PLD5: variants seen among roughly 807,000 people sequenced by gnomAD.
PLD5 encodes the protein inactive phospholipase D5.
In PLD5, 36 loss-of-function variants were observed where a neutral mutation model predicts 61.1. The ratio of observed to expected loss-of-function variants is 0.59; its 90% CI spans 0.45 to 0.78. PLD5 has a LOEUF of 0.78. Ranked by LOEUF, PLD5 falls within the 30% of genes least tolerant of loss-of-function variation. The probability of loss-of-function intolerance (pLI) is 0.00; values close to 1 mark genes in which losing one functional copy is unlikely to be tolerated. For missense variants in PLD5, 515 were observed against 644.4 expected (o/e 0.80, Z 2.17); for synonymous variants, 243 against 242.8 (o/e 1.00, Z -0.01).
chr1:242,356,643 C>G (rs888262949), intron 1 of PLD5, among the ~76,000 whole-genome samples: 10 of 151,452 alleles, frequency 6.6e-5, no homozygotes, highest in Non-Finnish European at 1.5e-4. Context: ...TTCTTCCTGT[C>G]TTGTTGTTTT....
Position 242,265,777 on chromosome 1 carries a change from C to T in PLD5, c.496-329G>A, listed in dbSNP as rs1335457787. On this transcript the variant is annotated intron_variant, in intron 3 of 9. Coordinates refer to ENST00000536534, the MANE Select transcript of PLD5 (RefSeq NM_001372062.1). ...TGAAGAGGCAGCAAAGAAGATTAAG[C>T]AGTTGTGTTTTGGCCCAAAGAGACC... Among the ~76,000 whole-genome samples the T allele has an allele frequency of 2.6e-5, 4 of 152,288 alleles. No homozygotes were observed. The Middle Eastern group carries it at 0.014, about 518-fold the overall frequency.
chr1:242,090,666 G>A (rs993395666), intron 9 of PLD5, among the ~76,000 whole-genome samples: 32 of 152,318 alleles, frequency 2.1e-4, no homozygotes, highest in Non-Finnish European at 3.8e-4. Context: ...GGTGCTATGA[G>A]AACAGCCTCT....
At chr1:242,402,584 C>A (rs1558535233) in intron 1 of PLD5, among the ~76,000 whole-genome samples, 1 of 152,284 alleles carries the variant, frequency 6.6e-6, no homozygotes, top group African/African-American at 2.4e-5. Flanking sequence ...TAGAGAAATG[C>A]AGGATTTTGT....
intron 5 of PLD5, among the ~76,000 whole-genome samples, chr1:242,168,101 TTAA>T (rs1357278604): frequency 2.0e-5 from 3 of 152,224 alleles, no homozygotes; most frequent in African/African-American, 7.2e-5. Context: ...AGCTGGTCTT[TTAA>T]TAATCTTATA....
At chr1:242,231,393 G>A (rs1671292597) in intron 4 of PLD5, among the ~76,000 whole-genome samples, 1 of 152,206 alleles carries the variant, frequency 6.6e-6, no homozygotes, top group Non-Finnish European at 1.5e-5. Context: ...AGGGAGGATG[G>A]AGATCCAGTA....
intron 5 of PLD5, among the ~76,000 whole-genome samples, chr1:242,129,926 A>G (rs2636252): frequency 0.41 from 62,055 of 152,028 alleles, 13,083 homozygotes; most frequent in East Asian, 0.61. Flanking sequence ...GTTTCACTTA[A>G]GATAGTGGCC....
At chr1:242,328,878 AT>A (rs566430001) in intron 2 of PLD5, among the ~76,000 whole-genome samples, 19 of 152,272 alleles carry the variant, frequency 1.2e-4, no homozygotes, top group African/African-American at 4.3e-4. Flanking sequence ...GTCTCACTTG[AT>A]TTTACTATGG....
intron 1 of PLD5, among the ~76,000 whole-genome samples, chr1:242,393,797 C>T (rs904704834): frequency 6.8e-6 from 1 of 148,098 alleles, no homozygotes; most frequent in African/African-American, 2.5e-5. Context: ...CAGTGGCTCA[C>T]GCCTGTATTC....
intron 2 of PLD5, among the ~76,000 whole-genome samples, chr1:242,328,980 AT>A (rs1023796133): frequency 6.7e-6 from 1 of 149,416 alleles, no homozygotes; most frequent in African/African-American, 2.5e-5. Context: ...TTCTTCAATC[AT>A]TTTTTTTCCT....
At chr1:242,379,631 CTT>C (rs1662169709) in intron 1 of PLD5, among the ~76,000 whole-genome samples, 1 of 151,738 alleles carries the variant, frequency 6.6e-6, no homozygotes, top group Non-Finnish European at 1.5e-5. Context: ...AAAAAAAAAA[CTT>C]TGAGTTTTAC....
chr1:242,320,261 A>C (rs1658301638), intron 2 of PLD5, among the ~76,000 whole-genome samples: 1 of 152,224 alleles, frequency 6.6e-6, no homozygotes, highest in East Asian at 1.9e-4. Context: ...GTTTATGTTG[A>C]ACAGTGCAAC....
chr1:242,274,076 G>A lies in PLD5; in HGVS notation c.496-8628C>T, dbSNP rs565225247. Reference sequence around the variant, plus strand: ...TGGCAATTTGTTACAGTAGCCACAGGAAATGAATATACAAGCCAGCTATAT... The same window carrying A: ...TGGCAATTTGTTACAGTAGCCACAGAAAATGAATATACAAGCCAGCTATAT... On this transcript the variant is annotated intron_variant, in intron 3 of 9. Transcript: ENST00000536534. 2.0e-5 allele frequency among the ~76,000 whole-genome samples: 3 copies of A among 152,238 alleles called. No individual in the cohort carries two copies. In the South Asian group the frequency reaches 6.2e-4, roughly 32 times the overall value.
intron 3 of PLD5, among the ~76,000 whole-genome samples, chr1:242,281,061 C>CA (rs1674692960): frequency 6.6e-6 from 1 of 152,146 alleles, no homozygotes; most frequent in Non-Finnish European, 1.5e-5. Flanking sequence ...ATGCTGGAGG[C>CA]AGGGGGCCAT....
intron 1 of PLD5, among the ~76,000 whole-genome samples, chr1:242,374,461 C>T (rs1661832154): frequency 6.6e-6 from 1 of 152,090 alleles, no homozygotes; most frequent in Non-Finnish European, 1.5e-5. Context: ...TTTTCTTTGA[C>T]CTTCACCTGC....
chr1:242,461,502 CAATA>C (rs1667117847), intron 1 of PLD5, among the ~76,000 whole-genome samples: 1 of 152,172 alleles, frequency 6.6e-6, no homozygotes, highest in Non-Finnish European at 1.5e-5. Context: ...CACATACATA[CAATA>C]AATAATTTGT....
intron 5 of PLD5, among the ~76,000 whole-genome samples, chr1:242,131,672 A>G (rs900317591): frequency 5.9e-5 from 9 of 152,140 alleles, no homozygotes; most frequent in Non-Finnish European, 1.2e-4. Context: ...TTATTTGCCA[A>G]GTGAAGCACT....
At chr1:242,452,550 T>C (rs1666819609) in intron 1 of PLD5, among the ~76,000 whole-genome samples, 1 of 152,146 alleles carries the variant, frequency 6.6e-6, no homozygotes, top group Admixed American at 6.5e-5. Context: ...GCACGATGAC[T>C]CACGCCTATA....
intron 7 of PLD5, among the ~76,000 whole-genome samples, chr1:242,110,172 G>A (rs893040251): frequency 5.9e-5 from 9 of 151,516 alleles, no homozygotes; most frequent in Non-Finnish European, 1.2e-4. Flanking sequence ...GTTTCAAATA[G>A]TGTATCATTA....
chr1:242,503,178 G>A (rs1668612111), intron 1 of PLD5, among the ~76,000 whole-genome samples: 1 of 152,188 alleles, frequency 6.6e-6, no homozygotes, highest in South Asian at 2.1e-4. Flanking sequence ...TCACCCCAGT[G>A]TTGGAGGTGG....
Sources: allele counts gnomAD v4.1 joint callset (sites outside exome capture counted in the v4.1 genomes callset), GRCh38; gene constraint gnomAD v4.1.1; transcripts MANE v1.5; gene names NCBI Gene and HGNC (gene_info 2026-07-23, HGNC 2026-07-21).